TP63: variants seen among roughly 807,000 people sequenced by gnomAD.
TP63 encodes tumor protein p63, also known as tumor protein 63.
Under a neutral mutation model 82.8 loss-of-function variants are expected in TP63, and 17 were observed. The observed-to-expected ratio is 0.21, with a 90% CI of 0.14 to 0.31. The LOEUF (loss-of-function observed/expected upper bound fraction) is 0.31, where lower values mean the gene tolerates loss of function less well. TP63 is among the 10% of genes least tolerant of loss of function. The pLI is 1.00. For synonymous variants in TP63, 330 were observed against 321.7 expected (o/e 1.03, Z -0.28); for missense variants, 648 against 895.3 (o/e 0.72, Z 3.52).
intron 1 of TP63, among the ~76,000 whole-genome samples, chr3:189,731,558 C>A (rs1331376739): frequency 6.6e-6 from 1 of 151,980 alleles, no homozygotes; most frequent in African/African-American, 2.4e-5. Flanking sequence ...TTCAAGCACA[C>A]TGACAGAAAA....
chr3:189,708,795 G>A (rs1305702036), intron 1 of TP63, among the ~76,000 whole-genome samples: 1 of 152,086 alleles, frequency 6.6e-6, no homozygotes, highest in African/African-American at 2.4e-5. Flanking sequence ...ATATGCGAAG[G>A]AAGACTTTCA....
intron 1 of TP63, among the ~76,000 whole-genome samples, chr3:189,708,744 A>G (rs930451655): frequency 6.6e-6 from 1 of 152,244 alleles, no homozygotes; most frequent in Non-Finnish European, 1.5e-5. Context: ...CTATTCTACT[A>G]GAATCTATAA....
chr3:189,818,182 A>AT (rs1348504305), intron 4 of TP63, among the ~76,000 whole-genome samples: 1 of 151,856 alleles, frequency 6.6e-6, no homozygotes, highest in African/African-American at 2.4e-5. Flanking sequence ...TGCCTTGAAA[A>AT]TTCTTTTTAT....
chr3:189,874,806 T>C (rs1012683644), intron 10 of TP63, among the ~76,000 whole-genome samples: 18 of 152,158 alleles, frequency 1.2e-4, no homozygotes, highest in Admixed American at 1.0e-3. Flanking sequence ...TAACATCATT[T>C]ATAGACCCAG....
chr3:189,746,850 C>T (rs1405502935), intron 3 of TP63, among the ~76,000 whole-genome samples: 3 of 150,254 alleles, frequency 2.0e-5, no homozygotes, highest in African/African-American at 7.3e-5. Context: ...AAACTCATCT[C>T]GCCTGGAAAG....
At chr3:189,728,901 G>A (rs1220358224) in intron 1 of TP63, among the ~76,000 whole-genome samples, 1 of 152,192 alleles carries the variant, frequency 6.6e-6, no homozygotes, top group Non-Finnish European at 1.5e-5. Flanking sequence ...AATTCAAGGT[G>A]AGATTTGTGT....
intron 2 of TP63, 38 bp downstream of exon 2, chr3:189,737,906 T>A (rs760693142): frequency 6.2e-7 from 1 of 1,612,614 alleles, no homozygotes; most frequent in Admixed American, 1.7e-5. Context: ...TTGCTTGAGC[T>A]AAATAGGTAA....
intron 1 of TP63, among the ~76,000 whole-genome samples, chr3:189,736,564 C>T (rs1577326442): frequency 6.6e-6 from 1 of 152,032 alleles, no homozygotes; most frequent in East Asian, 1.9e-4. Flanking sequence ...GGTTTGTTTT[C>T]CTGTCTTTCC....
At chr3:189,880,371 C>G in intron 10 of TP63, 1 of 1,218,350 alleles carries the variant, frequency 8.2e-7, no homozygotes, top group East Asian at 3.3e-5. Flanking sequence ...CAAACCTTTA[C>G]AAGAAAGGAT....
At chr3:189,743,527 TAC>T (rs987786251) in intron 3 of TP63, among the ~76,000 whole-genome samples, 5 of 146,634 alleles carry the variant, frequency 3.4e-5, no homozygotes, top group African/African-American at 1.3e-4. Context: ...CACACAAACA[TAC>T]ACACACACAG....
chr3:189,888,786 C>G (rs1720719923), intron 11 of TP63, among the ~76,000 whole-genome samples: 1 of 152,206 alleles, frequency 6.6e-6, no homozygotes, highest in Non-Finnish European at 1.5e-5. Flanking sequence ...TTAATTGTAT[C>G]ATCATTTATT....
intron 10 of TP63, among the ~76,000 whole-genome samples, chr3:189,884,263 A>G (rs993805789): frequency 1.3e-5 from 2 of 152,196 alleles, no homozygotes; most frequent in Admixed American, 6.5e-5. Flanking sequence ...TGACTCTTTG[A>G]AAAGGTTCCC....
At chr3:189,771,978 T>G (rs1197690225) in intron 3 of TP63, among the ~76,000 whole-genome samples, 1 of 152,210 alleles carries the variant, frequency 6.6e-6, no homozygotes, top group African/African-American at 2.4e-5. Context: ...AGTGATAAAT[T>G]GTGCTTTTGT....
At chr3:189,631,145 C>A, upstream of TP63, 1 of 802,686 alleles carries the variant, frequency 1.2e-6, no homozygotes, top group Non-Finnish European at 1.5e-6. Context: ...AGCATCCAAT[C>A]ACGACAGAGA....
intron 1 of TP63, among the ~76,000 whole-genome samples, chr3:189,672,712 G>GGAAGGAAGGAAGGAAA (rs1715033109): frequency 3.6e-5 from 5 of 139,926 alleles, no homozygotes; most frequent in East Asian, 2.0e-4. Flanking sequence ...AAGGAAAGAA[G>GGAAGGAAGGAAGGAAA]GAAGGCAGGC....
chr3:189,658,016 A>G (rs1298656504), intron 1 of TP63, among the ~76,000 whole-genome samples: 1 of 151,980 alleles, frequency 6.6e-6, no homozygotes, highest in African/African-American at 2.4e-5. Flanking sequence ...AAAAGTGGCA[A>G]TTCTCAAACT....
chr3:189,892,756 C>T (rs755537878), intron 13 of TP63, among the ~76,000 whole-genome samples: 1 of 152,154 alleles, frequency 6.6e-6, no homozygotes, highest in African/African-American at 2.4e-5. Context: ...CACGCCACTG[C>T]ACTCCAGCCT....
the TP63 span, among the ~76,000 whole-genome samples, chr3:189,609,441 G>A: frequency 0.31 from 47,188 of 151,666 alleles, 8,083 homozygotes; most frequent in Middle Eastern, 0.49. Context: ...GGTTTGCTAC[G>A]TATATAAACA....
At chr3:189,891,019 C>A in intron 13 of TP63, 137 bp downstream of exon 13, 1 of 759,798 alleles carries the variant, frequency 1.3e-6, no homozygotes, top group Non-Finnish European at 2.2e-6. Flanking sequence ...TGATAGAACC[C>A]ATAACTATGT....
Sources: gnomAD v4.1 joint callset for allele counts (sites outside exome capture counted in the v4.1 genomes callset) on GRCh38, gnomAD v4.1.1 for gene constraint, MANE v1.5 for transcripts, NCBI Gene and HGNC (gene_info 2026-07-23, HGNC 2026-07-21) for gene names.